The following AMOTL1 variants were observed in gnomAD, a reference collection of about 807,000 sequenced individuals.
AMOTL1 encodes angiomotin like 1, also known as angiomotin-like protein 1.
A neutral mutation model predicts 102.9 loss-of-function variants in AMOTL1; 45 were observed. That is an observed-to-expected ratio of 0.44 (90% CI 0.34 to 0.56). AMOTL1 has a LOEUF of 0.56. AMOTL1 is among the 20% of genes least tolerant of loss of function. The pLI is 0.01. For synonymous variants in AMOTL1, 481 were observed against 484.7 expected (o/e 0.99, Z 0.10); for missense variants, 1,114 against 1,225.6 (o/e 0.91, Z 1.36).
chr11:94,762,937 C>T (rs185839955), intron 3 of AMOTL1, among the ~76,000 whole-genome samples: 11 of 152,294 alleles, frequency 7.2e-5, no homozygotes, highest in East Asian at 5.8e-4. Flanking sequence ...TATAACTTAA[C>T]GATCCCGCCA....
chr11:94,760,441 T>G (rs1001924924), intron 3 of AMOTL1, among the ~76,000 whole-genome samples: 1 of 152,226 alleles, frequency 6.6e-6, no homozygotes, highest in African/African-American at 2.4e-5. Context: ...ACAGGGTACC[T>G]GCAGGGACTA....
upstream of AMOTL1, among the ~76,000 whole-genome samples, chr11:94,764,365 G>C (rs1056947813): frequency 6.6e-6 from 1 of 152,158 alleles, no homozygotes; most frequent in African/African-American, 2.4e-5. Context: ...TGGAACATGA[G>C]GAGTTTAAAT....
chr11:94,708,389 C>T (rs1034729831), intron 1 of AMOTL1, among the ~76,000 whole-genome samples: 1 of 152,164 alleles, frequency 6.6e-6, no homozygotes, highest in Non-Finnish European at 1.5e-5. Context: ...CTGAAGAATG[C>T]GTAAGCCTCA....
chr11:94,717,672 G>A (rs909851855), intron 1 of AMOTL1, among the ~76,000 whole-genome samples: 4 of 151,702 alleles, frequency 2.6e-5, no homozygotes, highest in African/African-American at 9.7e-5. Flanking sequence ...AAACTCAGAT[G>A]CTATACAAAG....
At chr11:94,824,804 ATC>A (rs1235698437) in intron 4 of AMOTL1, among the ~76,000 whole-genome samples, 1 of 152,224 alleles carries the variant, frequency 6.6e-6, no homozygotes, top group Non-Finnish European at 1.5e-5. Flanking sequence ...GTTTCATTCC[ATC>A]TGAGTTCCTC....
chr11:94,850,133 A>G lies in AMOTL1; in HGVS notation c.1668A>G (p.Glu556=). The G allele has an allele frequency of 6.3e-7, 1 of 1,582,098 alleles. No individual in the cohort carries two copies. Among genetic ancestry groups the G allele is most frequent in the East Asian group, 2.3e-5 (1 of 43,636 alleles). The stretch of plus-strand genomic sequence containing the variant: ...TTCTAGACAAAGAATTCTTGAAGGA[A>G]AAGGAGAAATTAGAAATGGAGTTAG... ...YASQNKEFLK[E]KEKLEMELAA... is the part of the protein sequence containing the mutation. The change falls in exon 7 of 13, where the codon GAA becomes GAG. Residue 556 remains glutamate (E), a synonymous_variant. Transcript: ENST00000433060.
chr11:94,729,056 G>A lies in AMOTL1; in HGVS notation c.85+1G>A, dbSNP rs1487461567. On this transcript the variant is annotated splice_donor_variant, in intron 2 of 4. Transcript: ENST00000299004. LOFTEE classifies it high-confidence loss of function. ...CATCATTTTGCCAGCACCAGAGCGG[G>A]TAAGGCCGTTTTTGATGTCCCTGAT... 6 of 1,289,054 alleles carry A rather than the reference G, an allele frequency of 4.7e-6. No individual in the cohort carries two copies. The highest frequency in any genetic ancestry group is 2.1e-4 in the Middle Eastern group (1 of 4,686). The allele number at this position is 1,289,054 out of a possible 1,614,324, so 79.9% of individuals were successfully genotyped here.
At chr11:94,755,500 C>T (rs1219183164) in intron 3 of AMOTL1, among the ~76,000 whole-genome samples, 2 of 152,214 alleles carry the variant, frequency 1.3e-5, no homozygotes, top group African/African-American at 4.8e-5. Context: ...TATTGTTACA[C>T]AGTGATCATT....
intron 3 of AMOTL1, among the ~76,000 whole-genome samples, chr11:94,758,647 G>T (rs896096824): frequency 4.6e-5 from 7 of 152,144 alleles, no homozygotes; most frequent in African/African-American, 1.7e-4. Context: ...AAATTAAAAA[G>T]AAATTATACC....
At position 94,800,629 on chromosome 11, in the gene AMOTL1, C is replaced by T. The variant is rs180771549; in HGVS notation, c.1121+318C>T. Among the ~76,000 whole-genome samples the T allele has an allele frequency of 4.2e-3, 637 of 152,178 alleles. 12 individuals carry two copies. The highest frequency in any genetic ancestry group is 0.035 in the South Asian group (169 of 4,814). Reference sequence around the variant, plus strand: ...AATTTTCCAATGGCTTTGTGGAGACCGTCCAAACTCCTGGAACATATTATT... The same window carrying T: ...AATTTTCCAATGGCTTTGTGGAGACTGTCCAAACTCCTGGAACATATTATT... On this transcript the variant is annotated intron_variant, in intron 3 of 12. Transcript: ENST00000433060.
intron 3 of AMOTL1, among the ~76,000 whole-genome samples, chr11:94,748,308 G>A (rs535871101): frequency 5.3e-5 from 8 of 152,276 alleles, no homozygotes; most frequent in South Asian, 2.1e-4. Context: ...TATCACATCC[G>A]CATTCTAGTC....
intron 2 of AMOTL1, among the ~76,000 whole-genome samples, chr11:94,732,024 T>C (rs1489852117): frequency 6.6e-6 from 1 of 152,204 alleles, no homozygotes; most frequent in African/African-American, 2.4e-5. Flanking sequence ...AGCTCATGCA[T>C]AGCCAAGGCC....
rs111244871 is a variant in AMOTL1, at chr11:94,793,167, A to G, written c.50-1844A>G. ...CATTCTTAGTCATGTGACTAGATAG[A>G]ATCATCTGAAGTTGTAATATGCTGG... On this transcript the variant is annotated intron_variant, in intron 1 of 12. Transcript: ENST00000433060. Among the ~76,000 whole-genome samples, 908 of 152,318 alleles carry G rather than the reference A, an allele frequency of 6.0e-3. 11 individuals are homozygous for G. The highest frequency in any genetic ancestry group is 9.8e-3 in the Non-Finnish European group (669 of 68,022).
chr11:94,848,710 T>G (rs186882860), intron 6 of AMOTL1, among the ~76,000 whole-genome samples: 229 of 152,280 alleles, frequency 1.5e-3, no homozygotes, highest in African/African-American at 4.9e-3. Context: ...ATGTTGATGT[T>G]TCCTGTGATC....
At chr11:94,840,021 C>G (rs2135684244) in intron 6 of AMOTL1, among the ~76,000 whole-genome samples, 1 of 152,232 alleles carries the variant, frequency 6.6e-6, no homozygotes, top group East Asian at 1.9e-4. Flanking sequence ...GTTGGATAAT[C>G]CAGTGTATCC....
intron 1 of AMOTL1, among the ~76,000 whole-genome samples, chr11:94,719,465 T>C (rs1286820345): frequency 6.6e-6 from 1 of 152,072 alleles, no homozygotes. Context: ...ATACAATGTA[T>C]GCATGTTACA....
At chr11:94,798,723 T>C (rs1951412020) in intron 2 of AMOTL1, among the ~76,000 whole-genome samples, 1 of 151,916 alleles carries the variant, frequency 6.6e-6, no homozygotes. Context: ...GAGCCAGAGA[T>C]GGTGCATAGA....
In AMOTL1 at chr11:94,873,297, T is replaced by C. The variant is rs1006111813; in HGVS notation, c.*2502T>C. On this transcript the variant is annotated 3_prime_UTR_variant, in exon 13 of 13. Transcript: ENST00000433060. ...TTTTTTTCTCTTAACCTACTGAGAC[T>C]CTTCCTTAAGAACAGGATCTATAGC... 1 of 152,202 alleles carries C rather than the reference T, an allele frequency of 6.6e-6. No individual in the cohort carries two copies. Among genetic ancestry groups the C allele is most frequent in the Non-Finnish European group, 1.5e-5 (1 of 68,042 alleles). The allele number at this position is 152,202 out of a possible 1,614,324, so 9.4% of individuals were successfully genotyped here. A position where few individuals can be genotyped will look rare whatever the true frequency, so the allele number is the denominator to read the frequency against.
rs369370230 is a variant in AMOTL1 at position 94,845,400 on chromosome 11, TG to T, written c.1649-4713del. Among the ~76,000 whole-genome samples, 128 of 152,326 alleles carry T rather than the reference TG, an allele frequency of 8.4e-4. 3 individuals carry two copies. In the South Asian group the frequency reaches 0.025, roughly 30 times the overall value. ...TCGACATTGTACAAGTGTCATAGCT[TG>T]TTTTGCTTCAGTTTTCTATTCGTCA... On this transcript the variant is annotated intron_variant, in intron 6 of 12. Coordinates refer to ENST00000433060, the MANE Select transcript of AMOTL1 (RefSeq NM_130847.3).
Sources: allele counts gnomAD v4.1 joint callset (sites outside exome capture counted in the v4.1 genomes callset), GRCh38; gene constraint gnomAD v4.1.1; transcripts MANE v1.5; gene names NCBI Gene and HGNC (gene_info 2026-07-23, HGNC 2026-07-21).